UNC79: variants seen among roughly 807,000 people sequenced by gnomAD.
UNC79 encodes the protein unc-79 subunit of NALCN channel complex.
UNC79 carries 37 observed loss-of-function variants against 283.1 expected under a neutral mutation model. That is an observed-to-expected ratio of 0.13 (90% confidence interval 0.10 to 0.17). The LOEUF (loss-of-function observed/expected upper bound fraction) is 0.17. Ranked by LOEUF, UNC79 falls within the 10% of genes least tolerant of loss-of-function variation. The pLI is 1.00. For missense variants in UNC79, 2,272 were observed against 3,211.1 expected (o/e 0.71, Z 7.07); for synonymous variants, 1,107 against 1,200.2 (o/e 0.92, Z 1.61).
At chr14:93,527,625 TC>T (rs1452792209) in intron 8 of UNC79, among the ~76,000 whole-genome samples, 13 of 152,084 alleles carry the variant, frequency 8.5e-5, no homozygotes, top group African/African-American at 3.1e-4. Flanking sequence ...TTAGGTGATT[TC>T]CCCCCTTCAA....
intron 17 of UNC79, among the ~76,000 whole-genome samples, chr14:93,577,232 C>A (rs1335246541): frequency 6.8e-6 from 1 of 147,436 alleles, no homozygotes; most frequent in Non-Finnish European, 1.5e-5. Flanking sequence ...CCAAAAAAAA[C>A]CATTGACTTA....
chr14:93,416,573 C>G (rs1438244544), intron 1 of UNC79, among the ~76,000 whole-genome samples: 1 of 152,176 alleles, frequency 6.6e-6, no homozygotes, highest in Admixed American at 6.5e-5. Flanking sequence ...TCCTAGGTAT[C>G]CTTGTTAACT....
chr14:93,675,503 A>T (rs1159579879), intron 41 of UNC79, among the ~76,000 whole-genome samples: 3 of 152,200 alleles, frequency 2.0e-5, no homozygotes, highest in Non-Finnish European at 2.9e-5. Flanking sequence ...AGTAGTAGAG[A>T]TGTGTACTGA....
At chr14:93,490,458 G>A (rs113709423) in intron 5 of UNC79, among the ~76,000 whole-genome samples, 121 of 152,232 alleles carry the variant, frequency 7.9e-4, no homozygotes, top group African/African-American at 2.8e-3. Context: ...AAGAAATCCA[G>A]CTGGGCCTCT....
chr14:93,524,970 G>C (rs1458881047), intron 8 of UNC79, among the ~76,000 whole-genome samples: 1 of 152,162 alleles, frequency 6.6e-6, no homozygotes, highest in Non-Finnish European at 1.5e-5. Context: ...AGTAGGAAAG[G>C]TGAAATGAGA....
chr14:93,604,153 C>T (rs954188534), intron 26 of UNC79, among the ~76,000 whole-genome samples: 22 of 152,058 alleles, frequency 1.4e-4, no homozygotes, highest in Admixed American at 1.4e-3. Flanking sequence ...AATCACCATA[C>T]TAATGAATAT....
intron 1 of UNC79, among the ~76,000 whole-genome samples, chr14:93,401,520 C>T (rs1449030020): frequency 6.6e-6 from 1 of 152,140 alleles, no homozygotes; most frequent in Non-Finnish European, 1.5e-5. Context: ...GCAGACAACG[C>T]ATTTCAGGTT....
At chr14:93,523,913 C>G in intron 7 of UNC79, 65 bp from the exon 8 acceptor site, 2 of 1,513,952 alleles carry the variant, frequency 1.3e-6, no homozygotes, top group Admixed American at 3.5e-5. Flanking sequence ...AGTAAAATAT[C>G]TGTTTTTACT....
intron 14 of UNC79, among the ~76,000 whole-genome samples, chr14:93,544,429 C>G (rs1022206475): frequency 2.2e-4 from 34 of 152,314 alleles, no homozygotes; most frequent in Non-Finnish European, 4.0e-4. Flanking sequence ...AGGAAACTCC[C>G]TTTCGGGGGG....
Position 93,643,593 on chromosome 14 carries a change from T to C in UNC79, c.5940T>C (p.Asp1980=), listed in dbSNP as rs551009750. Residue 1980 remains aspartate, a synonymous_variant, in exon 34 of 49, where the codon GAT becomes GAC. Transcript: ENST00000555664. ...GTGGGGCCATTCTTGAAGAATACGA[T>C]GAAGAGACACTTGGGCTAGCCATCG... The C allele has an allele frequency of 1.2e-5, 19 of 1,613,930 alleles. No individual in the cohort carries two copies. The African/African-American group carries it at 1.9e-4, about 16-fold the overall frequency.
chr14:93,623,713 T>C (rs936355204), intron 30 of UNC79, among the ~76,000 whole-genome samples: 1 of 152,158 alleles, frequency 6.6e-6, no homozygotes, highest in African/African-American at 2.4e-5. Context: ...GCCAACATAG[T>C]GAAACCCCGT....
chr14:93,591,427 T>C (rs1421611357), intron 22 of UNC79, among the ~76,000 whole-genome samples: 1 of 152,264 alleles, frequency 6.6e-6, no homozygotes, highest in African/African-American at 2.4e-5. Context: ...AGCCTTATGA[T>C]AACATAAAGA....
rs756774591 is a variant in UNC79, at chr14:93,474,337, A to C, written c.392A>C (p.Tyr131Ser). The C allele has an allele frequency of 6.5e-7, 1 of 1,535,908 alleles. No homozygotes were observed. Among genetic ancestry groups the C allele is most frequent in the African/African-American group, 1.4e-5 (1 of 73,014 alleles). ...CCTTCTTTGGACTACCAAGGCCTCT[A>C]CGTGACTTTGGTGACCCTCCTGGAT... The change falls in exon 3 of 49, where the codon TAC (tyrosine) becomes TCC (serine). Residue 131 changes from tyrosine to serine, a missense_variant. By Grantham distance (144) the Tyr-to-Ser change is moderately radical. Around this residue, in one of 11 missense-constraint regions of UNC79, gnomAD observed 194 missense variants for 268.9 expected, o/e 0.72. Coordinates refer to ENST00000555664, the Ensembl canonical transcript of UNC79. This position sits in a 1 kb window ranked among gnomAD's most constrained non-coding sequence, Gnocchi z 4.1.
intron 1 of UNC79, among the ~76,000 whole-genome samples, chr14:93,355,139 C>T (rs1387671071): frequency 6.6e-6 from 1 of 151,896 alleles, no homozygotes; most frequent in Admixed American, 6.6e-5. Flanking sequence ...AAGCAATTCT[C>T]CTGCCTCAGC....
chr14:93,501,015 G>A (rs1049185524), intron 7 of UNC79, among the ~76,000 whole-genome samples: 6 of 152,174 alleles, frequency 3.9e-5, no homozygotes, highest in Admixed American at 3.3e-4. Context: ...GTGATTTACA[G>A]CATTTCCTCT....
chr14:93,676,672 G>T (rs1488165124), intron 41 of UNC79, among the ~76,000 whole-genome samples: 1 of 152,154 alleles, frequency 6.6e-6, no homozygotes, highest in Non-Finnish European at 1.5e-5. Context: ...GCTGGAGACT[G>T]GTTTTCAATG....
chr14:93,464,628 G>T (rs1566954166), intron 1 of UNC79: 1 of 456,160 alleles, frequency 2.2e-6, no homozygotes, highest in Non-Finnish European at 4.4e-6. Flanking sequence ...GTGGCCCCGG[G>T]GGGAGTTTTG....
intron 1 of UNC79, chr14:93,464,523 C>T (rs1195162465): frequency 2.2e-6 from 1 of 456,230 alleles, no homozygotes; most frequent in Non-Finnish European, 4.4e-6. Flanking sequence ...TCTCTGGGTA[C>T]AGTCACATTT....
At chr14:93,625,835 C>T (rs1290501470) in intron 30 of UNC79, among the ~76,000 whole-genome samples, 1 of 152,156 alleles carries the variant, frequency 6.6e-6, no homozygotes, top group Non-Finnish European at 1.5e-5. Flanking sequence ...AGTACCTGCA[C>T]CTATCAGATG....
Sources: gnomAD v4.1 joint callset for allele counts (sites outside exome capture counted in the v4.1 genomes callset) on GRCh38, gnomAD v4.1.1 for gene constraint, gnomAD v4.1.1 regional missense constraint, Gnocchi (gnomAD v3.1) non-coding constraint, MANE v1.5 for transcripts, NCBI Gene and HGNC (gene_info 2026-07-23, HGNC 2026-07-21) for gene names.